Variants in INF2 observed in about 807,000 individuals in gnomAD.
INF2 encodes the protein inverted formin-2.
Under a neutral mutation model 123.5 loss-of-function variants are expected in INF2, and 43 were observed. That is an observed-to-expected ratio of 0.35 (90% CI 0.27 to 0.45). The LOEUF (loss-of-function observed/expected upper bound fraction) is 0.45, where lower values mean the gene tolerates loss of function less well. Ranked by LOEUF, INF2 falls within the 20% of genes least tolerant of loss-of-function variation. The probability of loss-of-function intolerance (pLI) is 1.00; values close to 1 mark genes in which losing one functional copy is unlikely to be tolerated. For missense variants in INF2, 1,453 were observed against 1,682.7 expected (o/e 0.86, Z 2.39); for synonymous variants, 851 against 745.0 (o/e 1.14, Z -2.32).
In INF2 at chr14:104,702,825, C is replaced by T. The variant is rs557613302; in HGVS notation, c.392-280C>T. Among the ~76,000 whole-genome samples the T allele has an allele frequency of 5.3e-5, 8 of 152,366 alleles. No homozygotes were observed. The South Asian group carries it at 1.4e-3, about 28-fold the overall frequency. The stretch of plus-strand genomic sequence containing the variant: ...TCTGCCATAAACACAGTAAGTGCTG[C>T]ATTGGGAGAAAAGCTGGGCCCAGAG... On this transcript the variant is annotated intron_variant, in intron 2 of 22. Coordinates refer to ENST00000392634, the MANE Select transcript of INF2 (RefSeq NM_022489.4).
chr14:104,701,292 G>C, intron 1 of INF2, 65 bp from the exon 2 acceptor site: 2 of 1,504,590 alleles, frequency 1.3e-6, no homozygotes, highest in East Asian at 2.5e-5. Context: ...CCCCGCCTGC[G>C]CTGGTGGCCA....
Position 104,715,850 on chromosome 14 carries a change from C to T in INF2, c.*1+510C>T, listed in dbSNP as rs370295889. 180 of 458,764 alleles carry T rather than the reference C, an allele frequency of 3.9e-4. 1 individual carries two copies. Among genetic ancestry groups the T allele is most frequent in the South Asian group, 1.9e-3 (122 of 64,584 alleles). 28.4% of individuals were successfully genotyped at this position (458,764 alleles called of 1,614,324 possible). On this transcript the variant is annotated intron_variant, in intron 22 of 22. Coordinates refer to ENST00000392634, the MANE Select transcript of INF2 (RefSeq NM_022489.4). ...GTCCCCAGGAAGTCTGTGAGGAGAC[C>T]GGGACAGTCGCAAGGGCAGATGCTG...
rs1890468288 is a variant in INF2, at chr14:104,719,526, GCC to G, written c.*734_*735del. 1 of 152,186 alleles carries G rather than the reference GCC, an allele frequency of 6.6e-6. No individual in the cohort carries two copies. Among genetic ancestry groups the G allele is most frequent in the African/African-American group, 2.4e-5 (1 of 41,454 alleles). The allele number at this position is 152,186 out of a possible 1,614,324, so 9.4% of individuals were successfully genotyped here. ...CCTCACTGCCCACCCAGCGAGGGCA[GCC>G]TACCCGAGCCTGCCCCCTGCCAGGT... On this transcript the variant is annotated 3_prime_UTR_variant, in exon 23 of 23. Transcript: ENST00000392634.
chr14:104,708,500 C>A lies in INF2; in HGVS notation c.1800C>A (p.Ser600=). The change falls in exon 9 of 23, where the codon TCC becomes TCA. Residue 600 remains serine (S), a synonymous_variant. Coordinates refer to ENST00000392634, the MANE Select transcript of INF2 (RefSeq NM_022489.4). ...PDAEAVEPDF[S]SIERLFSFPA... The stretch of plus-strand genomic sequence containing the variant: ...CCGAGGCTGTGGAGCCCGACTTCTC[C>A]AGCATCGAGCGACTATTCTCCTTCC... The A allele has an allele frequency of 6.2e-7, 1 of 1,612,538 alleles. No homozygotes were observed. Among genetic ancestry groups the A allele is most frequent in the Non-Finnish European group, 8.5e-7 (1 of 1,179,816 alleles).
intron 1 of INF2, chr14:104,690,665 C>T (rs1848921488): frequency 6.6e-6 from 1 of 152,472 alleles, no homozygotes; most frequent in Non-Finnish European, 1.5e-5. Context: ...TTACTGCCAG[C>T]CCTGCCCCTC....
chr14:104,691,006 C>A (rs1391338929), intron 1 of INF2, among the ~76,000 whole-genome samples: 1 of 152,262 alleles, frequency 6.6e-6, no homozygotes, highest in Admixed American at 6.5e-5. Flanking sequence ...CCTGCCCAGG[C>A]CCTGCCCTCC....
At position 104,710,962 on chromosome 14, in the gene INF2, C is replaced by A; in HGVS notation, c.2265C>A (p.Pro755=). ...CESLLTSRQL[P]IFCQLILRIG... ...GCCTGCTCACCAGCCGCCAGCTGCC[C>A]ATCTTCTGCCAGCTGATCCTGAGAA... is the stretch of plus-strand genomic sequence containing the variant. Residue 755 remains proline, a synonymous_variant, in exon 14 of 23, where the codon CCC becomes CCA. Coordinates refer to ENST00000392634, the MANE Select transcript of INF2 (RefSeq NM_022489.4). 6.2e-7 allele frequency: 1 copy of A among 1,612,476 alleles called. No homozygotes were observed. The highest frequency in any genetic ancestry group is 1.1e-5 in the South Asian group (1 of 91,068).
intron 1 of INF2, among the ~76,000 whole-genome samples, chr14:104,694,330 A>G (rs1055625643): frequency 6.6e-6 from 1 of 152,238 alleles, no homozygotes; most frequent in Non-Finnish European, 1.5e-5. Flanking sequence ...GCCAAGCGGC[A>G]TGTTGCACCC....
chr14:104,711,310 TC>T, intron 15 of INF2, 124 bp downstream of exon 15: 1 of 856,672 alleles, frequency 1.2e-6, no homozygotes, highest in Non-Finnish European at 1.9e-6. Flanking sequence ...GTCTCAGGGC[TC>T]CGTCTAGAGC....
chr14:104,704,175 T>C lies in INF2; in HGVS notation c.701+226T>C, dbSNP rs145507654. 2.6e-4 allele frequency: 369 copies of C among 1,438,410 alleles called. 1 individual carries two copies. In the East Asian group the frequency reaches 9.2e-3, roughly 36 times the overall value. The allele number at this position is 1,438,410 out of a possible 1,614,324, so 89.1% of individuals were successfully genotyped here. The stretch of plus-strand genomic sequence containing the variant: ...ACAGAAACTAGGGTTGCAGCAGCCA[T>C]AGAAAGGACAGAATGAGCTCATATC... On this transcript the variant is annotated intron_variant, in intron 5 of 22. Transcript: ENST00000392634.
At chr14:104,692,896 G>T (rs1201924560) in intron 1 of INF2, among the ~76,000 whole-genome samples, 1 of 152,190 alleles carries the variant, frequency 6.6e-6, no homozygotes, top group African/African-American at 2.4e-5. Flanking sequence ...GGAGAGTCCT[G>T]AGAGAAGGGC....
chr14:104,711,042 C>G (rs541238467), intron 14 of INF2, 35 bp downstream of exon 14: 1 of 1,609,034 alleles, frequency 6.2e-7, no homozygotes, highest in African/African-American at 1.3e-5. Flanking sequence ...CCACCTGGTG[C>G]CAGGGGCTGG....
rs891193346 is a variant in INF2 at position 104,715,422 on chromosome 14, G to A, written c.*1+82G>A. The A allele has an allele frequency of 1.1e-4, 142 of 1,280,744 alleles. No individual in the cohort carries two copies. The African/African-American group carries it at 1.4e-3, about 12-fold the overall frequency. The allele number at this position is 1,280,744 out of a possible 1,614,324, so 79.3% of individuals were successfully genotyped here. Reference sequence around the variant, plus strand: ...TGGAGCTTGCTGCCCACACCCCTCCGGGACACTAACCTGGCTTCTCTCCAG... The same window carrying A: ...TGGAGCTTGCTGCCCACACCCCTCCAGGACACTAACCTGGCTTCTCTCCAG... On this transcript the variant is annotated intron_variant, in intron 22 of 22. Coordinates refer to ENST00000392634, the MANE Select transcript of INF2 (RefSeq NM_022489.4).
In INF2 at chr14:104,689,754, T is replaced by A; in HGVS notation, c.-10+15T>A. 1 of 984,956 alleles carries A rather than the reference T, an allele frequency of 1.0e-6. No homozygotes were observed. The highest frequency in any genetic ancestry group is 1.2e-6 in the Non-Finnish European group (1 of 829,700). The allele number at this position is 984,956 out of a possible 1,614,324, so 61.0% of individuals were successfully genotyped here. ...TGCCTCACCGGGTAAGTCCTTGGCCTCGGGGTCCGCTTGGAGCTTCAGGGG... is the reference window on the plus strand; with the variant it reads ...TGCCTCACCGGGTAAGTCCTTGGCCACGGGGTCCGCTTGGAGCTTCAGGGG... On this transcript the variant is annotated intron_variant, in intron 1 of 22. Coordinates refer to ENST00000392634, the MANE Select transcript of INF2 (RefSeq NM_022489.4).
At position 104,721,218 on chromosome 14, in the gene INF2, G is replaced by A. The variant is rs575384945; in HGVS notation, c.*2425G>A. ...CGTAGTCTCGTGTGGATGCTGCTGT[G>A]GACGTCTGCGTCGTCCTCGTGTGGA... On this transcript the variant is annotated 3_prime_UTR_variant, in exon 23 of 23. Coordinates refer to ENST00000392634, the MANE Select transcript of INF2 (RefSeq NM_022489.4). 4.6e-5 allele frequency: 6 copies of A among 129,972 alleles called. No individual in the cohort carries two copies. The South Asian group carries it at 1.4e-3, about 30-fold the overall frequency. The allele number at this position is 129,972 out of a possible 1,614,324, so 8.1% of individuals were successfully genotyped here.
Position 104,701,361 on chromosome 14 carries a change from G to A in INF2, c.-5G>A. 6.4e-7 allele frequency: 1 copy of A among 1,574,560 alleles called. No homozygotes were observed. The highest frequency in any genetic ancestry group is 8.6e-7 in the Non-Finnish European group (1 of 1,159,078). On this transcript the variant is annotated 5_prime_UTR_variant, in exon 2 of 23. Coordinates refer to ENST00000392634, the MANE Select transcript of INF2 (RefSeq NM_022489.4). The stretch of plus-strand genomic sequence containing the variant: ...CTCCCTGCCCTCTGCCTGCAGCTCG[G>A]CAAGATGTCGGTGAAGGAGGGCGCA...
chr14:104,711,483 C>A, intron 15 of INF2, 146 bp from the exon 16 acceptor site: 1 of 766,792 alleles, frequency 1.3e-6, no homozygotes, highest in Non-Finnish European at 2.3e-6. Flanking sequence ...CATAGCCAGG[C>A]CCAAGGGAAA....
Position 104,714,650 on chromosome 14 carries a change from C to A in INF2, c.3488C>A (p.Pro1163His), listed in dbSNP as rs778644374. 1.2e-6 allele frequency: 2 copies of A among 1,612,474 alleles called. No homozygotes were observed. Among genetic ancestry groups the A allele is most frequent in the Non-Finnish European group, 1.7e-6 (2 of 1,179,718 alleles). ...GCTGTCCACAGCCGTGGTGCCAGAC[C>A]CCCTGCAGCAGGCCCAGGTGGGGAT... is the stretch of plus-strand genomic sequence containing the variant. Reference protein sequence around the residue: ...EDAVHSRGARPPAAGPGGDED... With the variant: ...EDAVHSRGARHPAAGPGGDED... The change falls in exon 21 of 23, where the codon CCC (proline) becomes CAC (histidine). Residue 1163 changes from proline to histidine, a missense_variant. Physicochemically the swap from Pro to His is moderately conservative, Grantham distance 77. Around this residue, in one of 8 missense-constraint regions of INF2, gnomAD observed 344 missense variants for 333.1 expected, o/e 1.03. Transcript: ENST00000392634.
chr14:104,696,165 G>A (rs979455764), intron 1 of INF2, among the ~76,000 whole-genome samples: 1 of 152,226 alleles, frequency 6.6e-6, no homozygotes, highest in Non-Finnish European at 1.5e-5. Context: ...CTCCCAGGGG[G>A]CCCTTCTGTC....
Sources: allele counts gnomAD v4.1 joint callset (sites outside exome capture counted in the v4.1 genomes callset), GRCh38; gene constraint gnomAD v4.1.1; regional missense constraint gnomAD v4.1.1; transcripts MANE v1.5; gene names NCBI Gene and HGNC (gene_info 2026-07-23, HGNC 2026-07-21).